Variants in CEP85L observed in about 807,000 individuals in gnomAD.
CEP85L encodes centrosomal protein of 85 kDa-like.
In CEP85L, 60 loss-of-function variants were observed where a neutral mutation model predicts 100.3. That is an observed-to-expected ratio of 0.60 (90% CI 0.49 to 0.74). CEP85L has a LOEUF of 0.74. CEP85L is among the 30% of genes least tolerant of loss of function. CEP85L has a pLI of 0.00. For missense variants in CEP85L, 973 were observed against 936.2 expected (o/e 1.04, Z -0.51); for synonymous variants, 319 against 322.7 (o/e 0.99, Z 0.12).
chr6:118,583,472 C>T (rs981218911), intron 2 of CEP85L, among the ~76,000 whole-genome samples: 4 of 152,124 alleles, frequency 2.6e-5, no homozygotes, highest in Non-Finnish European at 4.4e-5. Context: ...CTGAAAGTCC[C>T]ACTCCTTTAT....
intron 1 of CEP85L, among the ~76,000 whole-genome samples, chr6:118,640,692 T>A (rs1300630820): frequency 6.6e-6 from 1 of 152,068 alleles, no homozygotes; most frequent in Non-Finnish European, 1.5e-5. Flanking sequence ...GTCTGGCTAA[T>A]TTTTTAGGTT....
intron 5 of CEP85L, 138 bp downstream of exon 5, chr6:118,511,160 T>A: frequency 1.6e-6 from 1 of 625,068 alleles, no homozygotes; most frequent in Non-Finnish European, 2.8e-6. Flanking sequence ...TGGACACTCT[T>A]TGCCACACAT....
At chr6:118,696,835 G>T (rs1321420475) in intron 1 of CEP85L, among the ~76,000 whole-genome samples, 1 of 152,126 alleles carries the variant, frequency 6.6e-6, no homozygotes, top group East Asian at 1.9e-4. Flanking sequence ...TGATTAGATA[G>T]CTCAACAATT....
In CEP85L at chr6:118,629,172, T is replaced by G. The variant is rs144224033; in HGVS notation, c.232+3281A>C. On this transcript the variant is annotated intron_variant, in intron 2 of 12. Coordinates refer to ENST00000368491, the MANE Select transcript of CEP85L (RefSeq NM_001042475.3). Reference sequence around the variant, plus strand: ...AGTAAGTGTGTAGATTATATGTAAATACTACACTATTCTATATAAAGGACT... The same window carrying G: ...AGTAAGTGTGTAGATTATATGTAAAGACTACACTATTCTATATAAAGGACT... 3.7e-3 allele frequency among the ~76,000 whole-genome samples: 566 copies of G among 152,194 alleles called. 3 individuals carry two copies. Among genetic ancestry groups the G allele is most frequent in the African/African-American group, 0.013 (540 of 41,516 alleles).
At chr6:118,562,689 C>A (rs1779294318) in intron 3 of CEP85L, among the ~76,000 whole-genome samples, 1 of 152,082 alleles carries the variant, frequency 6.6e-6, no homozygotes, top group African/African-American at 2.4e-5. Context: ...AAGGGAAAAT[C>A]TCCAGTAAAA....
chr6:118,650,349 A>AT (rs1775465699), intron 1 of CEP85L, among the ~76,000 whole-genome samples: 1 of 152,136 alleles, frequency 6.6e-6, no homozygotes, highest in African/African-American at 2.4e-5. Flanking sequence ...CCCAAGACTT[A>AT]TTTTTTATCC....
Position 118,469,229 on chromosome 6 carries a change from T to C in CEP85L, c.2097A>G (p.Thr699=), listed in dbSNP as rs780805462. 6.8e-6 allele frequency: 11 copies of C among 1,614,110 alleles called. No homozygotes were observed. The South Asian group carries it at 1.2e-4, about 18-fold the overall frequency. ...CAAATAGTGGCCGTTTGGAAAGAAC[T>C]GTCTGCTGCCTAGATTGGTCAGGTT... is the stretch of plus-strand genomic sequence containing the variant. ...GQEPDQSRQQ[T]VLSKRPLFDL... Residue 699 remains threonine (T), a synonymous_variant, in exon 12 of 13, where the codon ACA becomes ACG. Coordinates refer to ENST00000368491, the MANE Select transcript of CEP85L (RefSeq NM_001042475.3).
chr6:118,688,714 G>A (rs1373267316), intron 1 of CEP85L, among the ~76,000 whole-genome samples: 2 of 152,216 alleles, frequency 1.3e-5, no homozygotes, highest in South Asian at 2.1e-4. Context: ...TAGCAGGTAC[G>A]TTGGAGCCTC....
intron 1 of CEP85L, among the ~76,000 whole-genome samples, chr6:118,660,234 A>G (rs1310764005): frequency 6.6e-6 from 1 of 152,232 alleles, no homozygotes; most frequent in Non-Finnish European, 1.5e-5. Flanking sequence ...TGCAAGTATA[A>G]CCTCTGTGAA....
intron 2 of CEP85L, among the ~76,000 whole-genome samples, chr6:118,605,416 C>G (rs151211525): frequency 3.3e-5 from 5 of 152,236 alleles, no homozygotes; most frequent in Non-Finnish European, 7.4e-5. Context: ...AGTCAAGTGC[C>G]CCTCCCTAAC....
upstream of CEP85L, among the ~76,000 whole-genome samples, chr6:118,652,152 A>C (rs1041030139): frequency 3.3e-5 from 5 of 152,112 alleles, no homozygotes; most frequent in Admixed American, 1.3e-4. Context: ...GCACCGGAAA[A>C]GGCCCGGGGG....
chr6:118,594,099 T>C (rs1226399508), intron 2 of CEP85L, among the ~76,000 whole-genome samples: 1 of 152,124 alleles, frequency 6.6e-6, no homozygotes. Context: ...TACTGTCTTC[T>C]CCTCTAGACT....
At chr6:118,674,611 T>G (rs1189030859) in intron 1 of CEP85L, among the ~76,000 whole-genome samples, 3 of 151,816 alleles carry the variant, frequency 2.0e-5, no homozygotes, top group Non-Finnish European at 4.4e-5. Flanking sequence ...TCCAGGACTT[T>G]TACAACTCAA....
chr6:118,693,436 G>T (rs887248737), intron 1 of CEP85L, among the ~76,000 whole-genome samples: 1 of 152,148 alleles, frequency 6.6e-6, no homozygotes, highest in African/African-American at 2.4e-5. Context: ...TTATCAAAAA[G>T]TAAAACTTGT....
Position 118,559,028 on chromosome 6 carries a change from G to A in CEP85L, c.1020+6501C>T. 1 of 1,610,972 alleles carries A rather than the reference G, an allele frequency of 6.2e-7. No homozygotes were observed. The highest frequency in any genetic ancestry group is 8.5e-7 in the Non-Finnish European group (1 of 1,177,160). On this transcript the variant is annotated intron_variant, in intron 3 of 12. Coordinates refer to ENST00000368491, the MANE Select transcript of CEP85L (RefSeq NM_001042475.3). ...CTACAGAATCTATTTATCAATTTCT[G>A]TCTCATCTTAATATGTCTCTTGCTG...
chr6:118,632,666 T>C, intron 1 of CEP85L, 55 bp from the exon 2 acceptor site: 1 of 1,468,584 alleles, frequency 6.8e-7, no homozygotes, highest in Non-Finnish European at 9.1e-7. Flanking sequence ...GCAGAAGATT[T>C]TTTTTTTACC....
intron 1 of CEP85L, among the ~76,000 whole-genome samples, chr6:118,641,349 G>A (rs1423370413): frequency 6.6e-6 from 1 of 152,080 alleles, no homozygotes; most frequent in Non-Finnish European, 1.5e-5. Flanking sequence ...GTGAATACAT[G>A]CATGCCAGGG....
chr6:118,625,429 G>A lies in CEP85L; in HGVS notation c.232+7024C>T, dbSNP rs146839740. On this transcript the variant is annotated intron_variant, in intron 2 of 12. Transcript: ENST00000368491. ...AGGAGCCAGAATACTGGGTGGGCTT[G>A]GGACAGGAATTGGAGGTATAACCTC... is the stretch of plus-strand genomic sequence containing the variant. 2.7e-3 allele frequency among the ~76,000 whole-genome samples: 418 copies of A among 152,292 alleles called. 3 individuals are homozygous for A. The highest frequency in any genetic ancestry group is 9.5e-3 in the African/African-American group (394 of 41,562).
chr6:118,466,421 T>G (rs956910563), intron 12 of CEP85L, among the ~76,000 whole-genome samples: 1 of 152,192 alleles, frequency 6.6e-6, no homozygotes, highest in Non-Finnish European at 1.5e-5. Context: ...TTCTCGATGC[T>G]TTACATACAA....
Sources: gnomAD v4.1 joint callset for allele counts (sites outside exome capture counted in the v4.1 genomes callset) on GRCh38, gnomAD v4.1.1 for gene constraint, MANE v1.5 for transcripts, NCBI Gene and HGNC (gene_info 2026-07-23, HGNC 2026-07-21) for gene names.